The following ARRDC5 variants were observed in gnomAD, a reference collection of about 807,000 sequenced individuals.
ARRDC5 encodes the protein arrestin domain containing 5.
In ARRDC5, 12 loss-of-function variants were observed where a neutral mutation model predicts 13.3. The ratio of observed to expected loss-of-function variants is 0.90; its 90% confidence interval spans 0.58 to 1.46. ARRDC5 has a LOEUF of 1.46. Ranked by LOEUF, ARRDC5 falls within the 40% of genes most tolerant of loss-of-function variation. The probability of loss-of-function intolerance (pLI) is 0.00; values close to 1 mark genes in which losing one functional copy is unlikely to be tolerated. For synonymous variants in ARRDC5, 181 were observed against 173.4 expected, an observed-to-expected ratio of 1.04 and a Z score of -0.34; for missense variants, 406 against 418.7, an observed-to-expected ratio of 0.97 and a Z score of 0.26.
chr19:4,913,317 G>T, the ARRDC5 span, among the ~76,000 whole-genome samples: 1 of 140,876 alleles, frequency 7.1e-6, no homozygotes, highest in South Asian at 2.2e-4. Context: ...GCAGTGGCTC[G>T]ATCTGGGCTC....
At chr19:4,896,359 TTTACACACACACACACACACACACACAC>T (rs2031727447) in intron 2 of ARRDC5, among the ~76,000 whole-genome samples, 1 of 82,990 alleles carries the variant, frequency 1.2e-5, no homozygotes, top group African/African-American at 5.5e-5. Context: ...TTTTTTTTTT[TTTACACACACACACACACACACACACAC>T]ACACACACAC....
At chr19:4,909,580 C>A in the ARRDC5 span, 9 of 654,220 alleles carry the variant, frequency 1.4e-5, no homozygotes, top group Non-Finnish European at 2.2e-5. Flanking sequence ...GGGTCCGGGC[C>A]ACGCACGCGG....
upstream of ARRDC5, among the ~76,000 whole-genome samples, chr19:4,904,368 A>G (rs1311179766): frequency 6.6e-6 from 1 of 151,940 alleles, no homozygotes; most frequent in Non-Finnish European, 1.5e-5. Flanking sequence ...TTTAGTAGAG[A>G]CGGGGTTTCA....
At chr19:4,901,390 C>A (rs377374585) in intron 1 of ARRDC5, among the ~76,000 whole-genome samples, 1 of 151,882 alleles carries the variant, frequency 6.6e-6, no homozygotes, top group Admixed American at 6.6e-5. Flanking sequence ...CCGAGGTGGG[C>A]GAATCACGAG....
intron 1 of ARRDC5, among the ~76,000 whole-genome samples, chr19:4,899,184 T>C (rs910026088): frequency 9.9e-5 from 15 of 151,216 alleles, no homozygotes; most frequent in Non-Finnish European, 1.8e-4. Flanking sequence ...TGGTGGCGGG[T>C]GCCTGTAGTC....
rs142863870 is a variant in ARRDC5, at chr19:4,900,448, T to C, written c.253+2125A>G. Among the ~76,000 whole-genome samples, 195 of 152,300 alleles carry C rather than the reference T, an allele frequency of 1.3e-3. 1 individual carries two copies. The highest frequency in any genetic ancestry group is 4.5e-3 in the African/African-American group (186 of 41,576). ...TAGCAATTTTTAAGCATTTACTGTA[T>C]ACCTGGCATTATTCTAAGCGCTTTA... On this transcript the variant is annotated intron_variant, in intron 1 of 2. Coordinates refer to ENST00000650722, the MANE Select transcript of ARRDC5 (RefSeq NM_001080523.3).
At chr19:4,915,296 G>A in the ARRDC5 span, among the ~76,000 whole-genome samples, 1 of 152,220 alleles carries the variant, frequency 6.6e-6, no homozygotes, top group Non-Finnish European at 1.5e-5. Context: ...CCCCCAGGAT[G>A]GCTCCCTGGT....
chr19:4,915,010 A>T, the ARRDC5 span, among the ~76,000 whole-genome samples: 2 of 152,336 alleles, frequency 1.3e-5, no homozygotes, highest in Middle Eastern at 6.8e-3. Context: ...GGTGCGGAGC[A>T]GCGTCCCTGG....
the ARRDC5 span, among the ~76,000 whole-genome samples, chr19:4,915,160 G>T: frequency 2.8e-4 from 43 of 152,372 alleles, no homozygotes; most frequent in Middle Eastern, 6.8e-3. Flanking sequence ...GAATGGCCTT[G>T]CAAGAGTCAC....
At chr19:4,909,399 C>T in the ARRDC5 span, 1 of 644,388 alleles carries the variant, frequency 1.6e-6, no homozygotes, top group Non-Finnish European at 2.8e-6. Flanking sequence ...TTTCTCGCTT[C>T]CCGCCACTGC....
chr19:4,912,130 G>C, the ARRDC5 span, among the ~76,000 whole-genome samples: 2 of 152,178 alleles, frequency 1.3e-5, no homozygotes, highest in Non-Finnish European at 2.9e-5. Context: ...GTGATGACTT[G>C]AGTCTTAAGA....
chr19:4,902,652 T>C lies in ARRDC5; in HGVS notation c.174A>G (p.Ala58=), dbSNP rs1479837836. 1 of 1,614,004 alleles carries C rather than the reference T, an allele frequency of 6.2e-7. No individual in the cohort carries two copies. Residue 58 remains alanine, a synonymous_variant, in exon 1 of 3, where the codon GCA becomes GCG. Coordinates refer to ENST00000650722, the MANE Select transcript of ARRDC5 (RefSeq NM_001080523.3). Reference sequence around the variant, plus strand: ...TAACATTTCTGCTATAATCACAGGATGCCCCGGCTTCTTCACTCCATTCGA... The same window carrying C: ...TAACATTTCTGCTATAATCACAGGACGCCCCGGCTTCTTCACTCCATTCGA... ...GYVEWSEEAG[A]SCDYSRNVIC...
chr19:4,894,427 C>T (rs1233826520), intron 2 of ARRDC5, among the ~76,000 whole-genome samples: 27 of 141,488 alleles, frequency 1.9e-4, no homozygotes, highest in African/African-American at 5.5e-4. Flanking sequence ...AGGAGAATGG[C>T]GTGAACCCGG....
chr19:4,914,779 G>A, the ARRDC5 span, among the ~76,000 whole-genome samples: 9 of 151,754 alleles, frequency 5.9e-5, no homozygotes, highest in Non-Finnish European at 1.0e-4. Flanking sequence ...CCCGCGACTC[G>A]CCAGCTCCCA....
At chr19:4,904,856 C>G (rs2032033031), upstream of ARRDC5, among the ~76,000 whole-genome samples, 1 of 152,188 alleles carries the variant, frequency 6.6e-6, no homozygotes, top group Non-Finnish European at 1.5e-5. Flanking sequence ...ACAATTATTC[C>G]TGGCACCTGA....
At chr19:4,900,180 C>T (rs1268332290) in intron 1 of ARRDC5, among the ~76,000 whole-genome samples, 2 of 109,810 alleles carry the variant, frequency 1.8e-5, no homozygotes, top group African/African-American at 7.4e-5. Context: ...CGGAGTCTCG[C>T]TTTGTTGCCC....
At chr19:4,900,130 T>C (rs139216698) in intron 1 of ARRDC5, among the ~76,000 whole-genome samples, 21,586 of 141,422 alleles carry the variant, frequency 0.15, 2,222 homozygotes, top group Non-Finnish European at 0.23. Flanking sequence ...CAGTCTTTTT[T>C]TTCTGTTTCT....
the ARRDC5 span, among the ~76,000 whole-genome samples, chr19:4,914,559 TGGGC>T: frequency 6.6e-6 from 1 of 151,774 alleles, no homozygotes; most frequent in Non-Finnish European, 1.5e-5. Context: ...TGTCACTTGA[TGGGC>T]GGGAACGCAG....
chr19:4,902,512 G>A, intron 1 of ARRDC5, 61 bp downstream of exon 1: 1 of 1,527,410 alleles, frequency 6.5e-7, no homozygotes, highest in Non-Finnish European at 9.0e-7. Context: ...TCTCGGATGT[G>A]TTTATTTTCC....
Sources: allele counts gnomAD v4.1 joint callset (sites outside exome capture counted in the v4.1 genomes callset), GRCh38; gene constraint gnomAD v4.1.1; transcripts MANE v1.5; gene names NCBI Gene and HGNC (gene_info 2026-07-23, HGNC 2026-07-21).